CHD1: variants seen among roughly 807,000 people sequenced by gnomAD.
CHD1 encodes the protein ATP-dependent chromatin remodeler CHD1.
A neutral mutation model predicts 224.2 loss-of-function variants in CHD1; 36 were observed. The observed-to-expected ratio is 0.16, with a 90% CI of 0.12 to 0.21. The LOEUF (loss-of-function observed/expected upper bound fraction) is 0.21. Among genes scored for constraint, CHD1 ranks in the 10% least tolerant of loss-of-function variants. The pLI, the probability that CHD1 is intolerant of heterozygous loss-of-function variation, is 1.00. For synonymous variants in CHD1, 668 were observed against 658.3 expected (o/e 1.01, Z -0.23); for missense variants, 1,378 against 1,994.8 (o/e 0.69, Z 5.89).
intron 11 of CHD1, 89 bp from the exon 12 acceptor site, chr5:98,896,531 G>A: frequency 1.2e-6 from 1 of 858,078 alleles, no homozygotes; most frequent in Non-Finnish European, 1.8e-6. Flanking sequence ...TTTTTATGAA[G>A]TTAAATAAAA....
chr5:98,893,037 C>T lies in CHD1; in HGVS notation c.1992-324G>A, dbSNP rs528836534. The stretch of plus-strand genomic sequence containing the variant: ...CCTACTGAAAGAGAACAAGTAGTGA[C>T]CTTTGGGAACTTATTTAGCCTTGTC... On this transcript the variant is annotated intron_variant, in intron 14 of 35. Coordinates refer to ENST00000614616, the MANE Select transcript of CHD1 (RefSeq NM_001270.4). Among the ~76,000 whole-genome samples, 101 of 152,006 alleles carry T rather than the reference C, an allele frequency of 6.6e-4. 1 individual carries two copies. Among genetic ancestry groups the T allele is most frequent in the Non-Finnish European group, 1.2e-3 (83 of 67,954 alleles).
intron 31 of CHD1, among the ~76,000 whole-genome samples, chr5:98,865,979 A>G (rs1280960233): frequency 1.3e-5 from 2 of 152,206 alleles, no homozygotes; most frequent in Non-Finnish European, 2.9e-5. Context: ...CAAGAGATAC[A>G]ATTTCACCTA....
chr5:98,867,285 G>A (rs763623085), intron 31 of CHD1, among the ~76,000 whole-genome samples: 14 of 152,274 alleles, frequency 9.2e-5, no homozygotes, highest in Non-Finnish European at 1.9e-4. Context: ...ACAACATGGA[G>A]AATCAGTATA....
chr5:98,894,478 A>T (rs1485485907), intron 13 of CHD1, 119 bp downstream of exon 13: 1 of 385,730 alleles, frequency 2.6e-6, no homozygotes, highest in African/African-American at 2.1e-5. Context: ...AAAAAATAAG[A>T]CCACAGGCTA....
At chr5:98,879,778 CT>C in intron 22 of CHD1, 50 bp from the exon 23 acceptor site, 1 of 1,350,634 alleles carries the variant, frequency 7.4e-7, no homozygotes. Flanking sequence ...AAATTGATCC[CT>C]AAAAGTTTTT....
chr5:98,885,028 A>C (rs1447357359), intron 18 of CHD1, among the ~76,000 whole-genome samples: 2 of 152,132 alleles, frequency 1.3e-5, no homozygotes, highest in Admixed American at 6.6e-5. Flanking sequence ...TACTGTGCCC[A>C]ATCTGGCTAA....
At chr5:98,857,105 T>G (rs1038665180) in intron 35 of CHD1, among the ~76,000 whole-genome samples, 11 of 152,102 alleles carry the variant, frequency 7.2e-5, no homozygotes, top group African/African-American at 2.7e-4. Context: ...TTTACCAACC[T>G]CTAAGCAGGA....
At chr5:98,900,674 C>T in intron 7 of CHD1, 137 bp downstream of exon 7, 1 of 699,198 alleles carries the variant, frequency 1.4e-6, no homozygotes, top group Non-Finnish European at 2.4e-6. Flanking sequence ...CTCCTGACCT[C>T]AGGTCTAGAA....
chr5:98,898,755 A>AT lies in CHD1; in HGVS notation c.1094dup (p.Asn365LysfsTer11). 1 of 1,577,800 alleles carries AT rather than the reference A, an allele frequency of 6.3e-7. No homozygotes were observed. Among genetic ancestry groups the AT allele is most frequent in the Non-Finnish European group, 8.7e-7 (1 of 1,150,274 alleles). ...AATATTCCACATCTTCTGGAGAGGC[A>AT]TTTTTCAACCTGAAAAATTATTAAT... is the stretch of plus-strand genomic sequence containing the variant. On this transcript the variant is annotated frameshift_variant, in exon 9 of 36. Coordinates refer to ENST00000614616, the MANE Select transcript of CHD1 (RefSeq NM_001270.4). LOFTEE classifies it high-confidence loss of function.
chr5:98,868,967 A>C (rs1749112444), intron 30 of CHD1: 1 of 788,032 alleles, frequency 1.3e-6, no homozygotes, highest in East Asian at 1.1e-4. Flanking sequence ...AAATGTAAAT[A>C]TGCTGATTGT....
At chr5:98,861,487 G>A (rs4703274) in intron 32 of CHD1, among the ~76,000 whole-genome samples, 117 of 152,208 alleles carry the variant, frequency 7.7e-4, no homozygotes, top group Non-Finnish European at 9.6e-4. Context: ...TGTAACACTT[G>A]CTTAATGCCA....
At chr5:98,882,992 G>C (rs751950891) in intron 19 of CHD1, 96 bp downstream of exon 19, 10 of 808,712 alleles carry the variant, frequency 1.2e-5, no homozygotes, top group African/African-American at 1.8e-5. Flanking sequence ...GACTGTTACA[G>C]TGATCTTATC....
chr5:98,923,229 G>A (rs162162), intron 2 of CHD1, among the ~76,000 whole-genome samples: 7,764 of 151,968 alleles, frequency 0.051, 664 homozygotes, highest in African/African-American at 0.18. Flanking sequence ...CAAAAAAGAA[G>A]GTCTCTCTCC....
At chr5:98,911,146 A>AATATATATATATATATATAT (rs1158932549) in intron 2 of CHD1, among the ~76,000 whole-genome samples, 20 of 39,100 alleles carry the variant, frequency 5.1e-4, no homozygotes, top group Non-Finnish European at 6.7e-4. Context: ...AAAAAAAAAA[A>AATATATATATATATATATAT]ATATATATAT....
chr5:98,877,426 T>G (rs370940278), intron 23 of CHD1, among the ~76,000 whole-genome samples: 1 of 152,232 alleles, frequency 6.6e-6, no homozygotes, highest in African/African-American at 2.4e-5. Flanking sequence ...ACAGATTGAT[T>G]AGCTGTCTTT....
intron 18 of CHD1, chr5:98,883,861 A>ATATATATAT (rs1561507731): frequency 9.1e-5 from 3 of 33,088 alleles, no homozygotes; most frequent in African/African-American, 2.2e-4. Flanking sequence ...ATATATATAT[A>ATATATATAT]TTTTTTTTTT....
At chr5:98,863,362 G>A in intron 32 of CHD1, 46 bp downstream of exon 32, 1 of 1,107,890 alleles carries the variant, frequency 9.0e-7, no homozygotes, top group Non-Finnish European at 1.2e-6. Flanking sequence ...AAAAAAGACA[G>A]TTATATAATA....
intron 31 of CHD1, among the ~76,000 whole-genome samples, 164 bp downstream of exon 31, chr5:98,868,331 G>GAAA (rs58475767): frequency 2.2e-5 from 2 of 91,680 alleles, no homozygotes; most frequent in Non-Finnish European, 4.5e-5. Context: ...ACTCAAAAAA[G>GAAA]AAAAAAAAAA....
intron 9 of CHD1, 52 bp downstream of exon 9, chr5:98,898,612 A>T: frequency 7.6e-7 from 1 of 1,311,286 alleles, no homozygotes; most frequent in Non-Finnish European, 1.1e-6. Flanking sequence ...GACTTTTTTC[A>T]GATTATTTCA....
Sources: gnomAD v4.1 joint callset for allele counts (sites outside exome capture counted in the v4.1 genomes callset) on GRCh38, gnomAD v4.1.1 for gene constraint, MANE v1.5 for transcripts, NCBI Gene and HGNC (gene_info 2026-07-23, HGNC 2026-07-21) for gene names.